EFCAB6: variants seen among roughly 807,000 people sequenced by gnomAD.
EFCAB6 encodes the protein EF-hand calcium-binding domain-containing protein 6.
In EFCAB6, 156 loss-of-function variants were observed where a neutral mutation model predicts 169.8. The observed-to-expected ratio is 0.92, with a 90% CI of 0.81 to 1.05. The LOEUF is 1.05. Among genes scored for constraint, EFCAB6 ranks in the 50% least tolerant of loss-of-function variants. The pLI is 0.00. For synonymous variants in EFCAB6, 698 were observed against 676.4 expected, an observed-to-expected ratio of 1.03 and a Z score of -0.50; for missense variants, 1,800 against 1,829.1, an observed-to-expected ratio of 0.98 and a Z score of 0.29.
chr22:43,642,941 TAAG>T (rs2055897532), intron 17 of EFCAB6, among the ~76,000 whole-genome samples: 1 of 152,156 alleles, frequency 6.6e-6, no homozygotes. Flanking sequence ...GCATCTCAGA[TAAG>T]AAGCCCCTTG....
chr22:43,618,158 G>A (rs2053836385), intron 20 of EFCAB6, among the ~76,000 whole-genome samples: 1 of 103,706 alleles, frequency 9.6e-6, no homozygotes, highest in Non-Finnish European at 2.0e-5. Flanking sequence ...AGGAAGGAAG[G>A]AAGGAAGGAA....
At chr22:43,666,481 C>T (rs985086826) in intron 17 of EFCAB6, among the ~76,000 whole-genome samples, 2 of 152,186 alleles carry the variant, frequency 1.3e-5, no homozygotes, top group Non-Finnish European at 2.9e-5. Context: ...ATGGACACTG[C>T]TACATATTAA....
intron 17 of EFCAB6, among the ~76,000 whole-genome samples, chr22:43,665,200 A>G (rs1462905640): frequency 6.6e-6 from 1 of 152,118 alleles, no homozygotes; most frequent in African/African-American, 2.4e-5. Context: ...GGTGCATGAG[A>G]CTGACATTCA....
At chr22:43,600,347 C>T in intron 22 of EFCAB6, 84 bp from the exon 23 acceptor site, 1 of 1,380,054 alleles carries the variant, frequency 7.2e-7, no homozygotes, top group South Asian at 1.3e-5. Context: ...ATGCCTGCAC[C>T]ATCCATGAGG....
At position 43,576,336 on chromosome 22, in the gene EFCAB6, C is replaced by T; in HGVS notation, c.3381G>A (p.Trp1127Ter). The T allele has an allele frequency of 6.3e-7, 1 of 1,595,756 alleles. No individual in the cohort carries two copies. The highest frequency in any genetic ancestry group is 8.5e-7 in the Non-Finnish European group (1 of 1,175,328). The change falls in exon 26 of 32, where the codon TGG becomes TGA. Residue 1127 changes from tryptophan to a stop codon, truncating the protein, a stop_gained. Coordinates refer to ENST00000262726, the MANE Select transcript of EFCAB6 (RefSeq NM_022785.4). LOFTEE classifies it high-confidence loss of function. ...LRIHLTPYINWKYFLQNFSCF... is the reference protein window; with the variant it reads ...LRIHLTPYIN ...AGCTAAAGTTCTGGAGAAAATATTT[C>T]CAATTTATATAGGGGGTTAGATGAA...
chr22:43,678,012 A>G lies in EFCAB6; in HGVS notation c.1403T>C (p.Ile468Thr), dbSNP rs2057839787. The change falls in exon 13 of 32, where the codon ATT becomes ACT. Residue 468 changes from isoleucine to threonine, a missense_variant. Ile to Thr is a moderately conservative substitution (Grantham distance 89, BLOSUM62 -1). Coordinates refer to ENST00000262726, the MANE Select transcript of EFCAB6 (RefSeq NM_022785.4). ...AAAACTCACCCTACAGTTCTCTTCAATCAGATCAATAAACATGCTGGTGTT... is the reference window on the plus strand; with the variant it reads ...AAAACTCACCCTACAGTTCTCTTCAGTCAGATCAATAAACATGCTGGTGTT... ...VVNTSMFIDLIEENCRMRKTS... is the reference protein window; with the variant it reads ...VVNTSMFIDLTEENCRMRKTS... 1 of 1,613,746 alleles carries G rather than the reference A, an allele frequency of 6.2e-7. No individual in the cohort carries two copies. Among genetic ancestry groups the G allele is most frequent in the Non-Finnish European group, 8.5e-7 (1 of 1,179,932 alleles).
intron 27 of EFCAB6, among the ~76,000 whole-genome samples, chr22:43,549,916 T>G (rs549503005): frequency 5.9e-5 from 9 of 152,358 alleles, no homozygotes; most frequent in Admixed American, 2.0e-4. Flanking sequence ...AAACTACTTG[T>G]GTATCTCAAT....
intron 17 of EFCAB6, among the ~76,000 whole-genome samples, chr22:43,637,733 G>A (rs1174311637): frequency 6.6e-6 from 1 of 152,156 alleles, no homozygotes; most frequent in African/African-American, 2.4e-5. Context: ...CATGGTCCCC[G>A]GCCCAGCTCT....
At chr22:43,771,362 G>A (rs550733721) in intron 4 of EFCAB6, among the ~76,000 whole-genome samples, 3 of 152,214 alleles carry the variant, frequency 2.0e-5, no homozygotes, top group Non-Finnish European at 2.9e-5. Flanking sequence ...CTCTGGAGAC[G>A]GAGGTTGCAG....
At chr22:43,782,517 T>C (rs1228654321) in intron 2 of EFCAB6, among the ~76,000 whole-genome samples, 192 bp from the exon 3 acceptor site, 1 of 152,228 alleles carries the variant, frequency 6.6e-6, no homozygotes, top group Admixed American at 6.5e-5. Context: ...GACTCCTTGT[T>C]TTCAGCATAT....
At chr22:43,601,687 T>C (rs2052534278) in intron 22 of EFCAB6, among the ~76,000 whole-genome samples, 1 of 152,234 alleles carries the variant, frequency 6.6e-6, no homozygotes, top group Admixed American at 6.5e-5. Context: ...ATTGACCACG[T>C]TCTTGTCCTC....
At chr22:43,747,229 G>C (rs1010708705) in intron 6 of EFCAB6, among the ~76,000 whole-genome samples, 1 of 152,304 alleles carries the variant, frequency 6.6e-6, no homozygotes, top group South Asian at 2.1e-4. Flanking sequence ...CCAAAATGGC[G>C]TTCCTCCAAA....
Position 43,637,944 on chromosome 22 carries a change from G to A in EFCAB6, c.1984-2728C>T, listed in dbSNP as rs375172859. Among the ~76,000 whole-genome samples the A allele has an allele frequency of 5.3e-5, 8 of 152,310 alleles. No homozygotes were observed. The South Asian group carries it at 1.2e-3, about 24-fold the overall frequency. ...TTCACAAAACCATATGTACTGGATC[G>A]TAAGGAAATGTCTGCAGGCAAATGT... On this transcript the variant is annotated intron_variant, in intron 17 of 31. Transcript: ENST00000262726.
chr22:43,780,685 C>T (rs2061792929), intron 3 of EFCAB6, among the ~76,000 whole-genome samples: 1 of 151,914 alleles, frequency 6.6e-6, no homozygotes, highest in Non-Finnish European at 1.5e-5. Flanking sequence ...TAAGCTAATC[C>T]CTAATATCCA....
chr22:43,660,251 A>T (rs1263338764), intron 17 of EFCAB6, among the ~76,000 whole-genome samples: 2 of 152,148 alleles, frequency 1.3e-5, no homozygotes, highest in Non-Finnish European at 2.9e-5. Context: ...TTGTCATGTT[A>T]TGTTCCCCGT....
At chr22:43,767,788 C>T (rs888766554) in intron 4 of EFCAB6, among the ~76,000 whole-genome samples, 3 of 148,116 alleles carry the variant, frequency 2.0e-5, no homozygotes, top group Non-Finnish European at 4.4e-5. Flanking sequence ...TATAGTCTAA[C>T]ACAAATTCTA....
intron 19 of EFCAB6, among the ~76,000 whole-genome samples, chr22:43,629,032 GCCCTGACAC>G (rs1469046385): frequency 1.3e-5 from 2 of 152,160 alleles, no homozygotes; most frequent in African/African-American, 4.8e-5. Flanking sequence ...TGCAACGTGG[GCCCTGACAC>G]CCAGGTCCTC....
At position 43,590,108 on chromosome 22, in the gene EFCAB6, G is replaced by A. The variant is rs768553281; in HGVS notation, c.2998C>T (p.Leu1000Phe). The A allele has an allele frequency of 6.2e-7, 1 of 1,614,128 alleles. No individual in the cohort carries two copies. The highest frequency in any genetic ancestry group is 8.5e-7 in the Non-Finnish European group (1 of 1,179,992). ...QEVLEECGCSLTEGELTHLLN... is the reference protein window; with the variant it reads ...QEVLEECGCSFTEGELTHLLN... ...AGATGGGTCAGCTCCCCTTCGGTAAGAGAACATCCACATTCTTCCAGCACT... is the reference window on the plus strand; with the variant it reads ...AGATGGGTCAGCTCCCCTTCGGTAAAAGAACATCCACATTCTTCCAGCACT... Residue 1000 changes from leucine to phenylalanine, a missense_variant, in exon 24 of 32, where the codon CTT becomes TTT. Transcript: ENST00000262726.
chr22:43,780,486 CAAAAAAAAAAA>C (rs34634496), intron 3 of EFCAB6, among the ~76,000 whole-genome samples: 2 of 49,024 alleles, frequency 4.1e-5, no homozygotes, highest in Non-Finnish European at 7.2e-5. Flanking sequence ...GACTCTGTCT[CAAAAAAAAAAA>C]AAAAAAAAAA....
Sources: gnomAD v4.1 joint callset for allele counts (sites outside exome capture counted in the v4.1 genomes callset) on GRCh38, gnomAD v4.1.1 for gene constraint, MANE v1.5 for transcripts, NCBI Gene and HGNC (gene_info 2026-07-23, HGNC 2026-07-21) for gene names.